Variants in OR3A1 observed in about 807,000 individuals in gnomAD.
OR3A1 encodes olfactory receptor family 3 subfamily A member 1, also known as olfactory receptor 3A1.
For synonymous variants in OR3A1, 145 were observed against 160.0 expected, an observed-to-expected ratio of 0.91 and a Z score of 0.71; for missense variants, 402 against 393.8, an observed-to-expected ratio of 1.02 and a Z score of -0.18.
chr17:3,292,672 C>A (rs1322789372), intron 1 of OR3A1, 84 bp from the exon 2 acceptor site: 1 of 1,172,406 alleles, frequency 8.5e-7, no homozygotes, highest in Non-Finnish European at 1.2e-6. Flanking sequence ...CCCCCTTCTA[C>A]TTGCCCGGCC....
At chr17:3,295,135 C>T (rs1255087972) in intron 1 of OR3A1, among the ~76,000 whole-genome samples, 3 of 151,884 alleles carry the variant, frequency 2.0e-5, no homozygotes, top group Non-Finnish European at 4.4e-5. Context: ...TTTAAAATCT[C>T]AAAAGGTAAA....
At chr17:3,295,340 G>A (rs2048910929) in intron 1 of OR3A1, among the ~76,000 whole-genome samples, 2 of 151,972 alleles carry the variant, frequency 1.3e-5, no homozygotes, top group Admixed American at 6.6e-5. Context: ...AGAGAGAAAA[G>A]GGAAAAGAAA....
chr17:3,293,357 A>G (rs2048892998), intron 1 of OR3A1, among the ~76,000 whole-genome samples: 1 of 152,210 alleles, frequency 6.6e-6, no homozygotes, highest in East Asian at 1.9e-4. Flanking sequence ...GGCAAAAGGT[A>G]GAAAAAAATA....
chr17:3,294,668 G>A (rs373329559), intron 1 of OR3A1, among the ~76,000 whole-genome samples: 2 of 152,004 alleles, frequency 1.3e-5, no homozygotes. Flanking sequence ...TAAAAAAATG[G>A]ATAGCCTAGT....
At position 3,292,105 on chromosome 17, in the gene OR3A1, G is replaced by A; in HGVS notation, c.478C>T (p.Leu160=). The A allele has an allele frequency of 6.2e-6, 10 of 1,614,230 alleles. No homozygotes were observed. The highest frequency in any genetic ancestry group is 8.5e-6 in the Non-Finnish European group (10 of 1,180,046). The part of the protein sequence containing the change: ...ASWACAFTNA[L]THTVAMSTLN... Reference sequence around the variant, plus strand: ...GTGGACATGGCCACAGTGTGGGTCAGTGCGTTGGTGAAAGCACAAGCCCAG... The same window carrying A: ...GTGGACATGGCCACAGTGTGGGTCAATGCGTTGGTGAAAGCACAAGCCCAG... The change falls in exon 2 of 2, where the codon CTG becomes TTG. Residue 160 remains leucine (L), a synonymous_variant. Coordinates refer to ENST00000323404, the MANE Select transcript of OR3A1 (RefSeq NM_002550.3).
At chr17:3,294,561 C>A (rs575377313) in intron 1 of OR3A1, among the ~76,000 whole-genome samples, 2 of 152,236 alleles carry the variant, frequency 1.3e-5, no homozygotes, top group East Asian at 3.9e-4. Context: ...AAACACTTGA[C>A]TTTACAATTC....
At chr17:3,297,172 G>C (rs907885336) in intron 1 of OR3A1, among the ~76,000 whole-genome samples, 1 of 152,186 alleles carries the variant, frequency 6.6e-6, no homozygotes, top group African/African-American at 2.4e-5. Context: ...TTTGGGAGAT[G>C]TTGCATAGGG....
intron 1 of OR3A1, among the ~76,000 whole-genome samples, chr17:3,294,444 A>G (rs2048904051): frequency 6.6e-6 from 1 of 152,138 alleles, no homozygotes; most frequent in Admixed American, 6.6e-5. Flanking sequence ...GATATGAGAA[A>G]AGACAAAGGA....
intron 1 of OR3A1, among the ~76,000 whole-genome samples, chr17:3,293,177 G>A (rs2048891287): frequency 1.3e-5 from 2 of 150,882 alleles, no homozygotes; most frequent in South Asian, 4.2e-4. Flanking sequence ...GGGTGGGTAG[G>A]GGGAGGCAAT....
chr17:3,296,767 GA>G (rs2048921541), intron 1 of OR3A1, among the ~76,000 whole-genome samples: 2 of 152,020 alleles, frequency 1.3e-5, no homozygotes, highest in South Asian at 4.1e-4. Flanking sequence ...ATTACTATGG[GA>G]AAAAGATACA....
chr17:3,297,250 A>G (rs73977631), intron 1 of OR3A1, among the ~76,000 whole-genome samples: 2,140 of 152,326 alleles, frequency 0.014, 35 homozygotes, highest in African/African-American at 0.048. Flanking sequence ...CATCGACTTA[A>G]AAATCATTCA....
At position 3,291,738 on chromosome 17, in the gene OR3A1, G is replaced by A. The variant is rs755806624; in HGVS notation, c.845C>T (p.Thr282Ile). The change falls in exon 2 of 2, where the codon ACT becomes ATT. Residue 282 changes from threonine to isoleucine, a missense_variant. Transcript: ENST00000323404. Reference protein sequence around the residue: ...DKDKAVGIFNTVINPMLNPII... With the variant: ...DKDKAVGIFNIVINPMLNPII... The stretch of plus-strand genomic sequence containing the variant: ...TGGGTTCAGCATGGGATTGATGACA[G>A]TGTTGAAAATTCCAACAGCTTTATC... 2 of 1,613,674 alleles carry A rather than the reference G, an allele frequency of 1.2e-6. No homozygotes were observed. Among genetic ancestry groups the A allele is most frequent in the African/African-American group, 1.3e-5 (1 of 74,914 alleles).
chr17:3,295,632 T>G (rs558977303), intron 1 of OR3A1, among the ~76,000 whole-genome samples: 26 of 151,922 alleles, frequency 1.7e-4, no homozygotes, highest in Admixed American at 5.9e-4. Flanking sequence ...GCTCATCTAG[T>G]AAAAGAAAAG....
In OR3A1 at chr17:3,291,311, G is replaced by A. The variant is rs549522892; in HGVS notation, c.*324C>T. On this transcript the variant is annotated 3_prime_UTR_variant, in exon 2 of 2. Transcript: ENST00000323404. ...TGGGGTACTTCTGGCAACTAAGGCTGTAACCAACCAAAGAGTCATTCCTTC... is the reference window on the plus strand; with the variant it reads ...TGGGGTACTTCTGGCAACTAAGGCTATAACCAACCAAAGAGTCATTCCTTC... 1.2e-5 allele frequency: 3 copies of A among 241,772 alleles called. No homozygotes were observed. The highest frequency in any genetic ancestry group is 1.4e-4 in the South Asian group (1 of 7,400). The allele number at this position is 241,772 out of a possible 1,614,324, so 15.0% of individuals were successfully genotyped here.
chr17:3,292,192 G>A lies in OR3A1; in HGVS notation c.391C>T (p.Arg131Trp), dbSNP rs200309257. The A allele has an allele frequency of 2.0e-4, 328 of 1,614,038 alleles. 3 individuals carry two copies. The highest frequency in any genetic ancestry group is 2.9e-4 in the African/African-American group (22 of 74,914). The change falls in exon 2 of 2, where the codon CGG (arginine) becomes TGG (tryptophan). Residue 131 changes from arginine to tryptophan, a missense_variant. Coordinates refer to ENST00000323404, the MANE Select transcript of OR3A1 (RefSeq NM_002550.3). ...ATGCGGGTGCTGTAGGTGAGGGGCCGGCAGATGGCCAGGAATCGGTCATAG... is the reference window on the plus strand; with the variant it reads ...ATGCGGGTGCTGTAGGTGAGGGGCCAGCAGATGGCCAGGAATCGGTCATAG... ...MAYDRFLAIC[R>W]PLTYSTRMSQ...
Position 3,292,577 on chromosome 17 carries a change from C to G in OR3A1, c.6G>C (p.Gln2His). ...CTGTTCCATTGGCCCCAGATTCTGG[C>G]TGCATGAGTTCCTGCAAAGAAACAT... Reference protein sequence around the residue: MQPESGANGTVI... With the variant: MHPESGANGTVI... The change falls in exon 2 of 2, where the codon CAG (glutamine) becomes CAC (histidine). Residue 2 changes from glutamine to histidine, a missense_variant. By Grantham distance (24) the Gln-to-His change is conservative. Transcript: ENST00000323404. 5 of 1,600,900 alleles carry G rather than the reference C, an allele frequency of 3.1e-6. No individual in the cohort carries two copies. Among genetic ancestry groups the G allele is most frequent in the Non-Finnish European group, 4.3e-6 (5 of 1,172,286 alleles).
rs762550696 is a variant in OR3A1, at chr17:3,291,725, G to C, written c.858C>G (p.Pro286=). Residue 286 remains proline (P), a synonymous_variant, in exon 2 of 2, where the codon CCC becomes CCG. Coordinates refer to ENST00000323404, the MANE Select transcript of OR3A1 (RefSeq NM_002550.3). The part of the protein sequence containing the change: ...AVGIFNTVIN[P]MLNPIIYSFR... ...AGCTGTAGATGATTGGGTTCAGCAT[G>C]GGATTGATGACAGTGTTGAAAATTC... 1 of 1,613,642 alleles carries C rather than the reference G, an allele frequency of 6.2e-7. No individual in the cohort carries two copies. Among genetic ancestry groups the C allele is most frequent in the African/African-American group, 1.3e-5 (1 of 75,028 alleles).
Position 3,291,880 on chromosome 17 carries a change from C to G in OR3A1, c.703G>C (p.Glu235Gln). ...AAAVLRIRSVEGRKKAFSTCG... is the reference protein window; with the variant it reads ...AAAVLRIRSVQGRKKAFSTCG... ...GTGGAGAAGGCTTTCTTCCTGCCCT[C>G]TACAGAGCGAATTCGCAGGACTGCA... Residue 235 changes from glutamate (E) to glutamine (Q), a missense_variant, in exon 2 of 2, where the codon GAG becomes CAG. Coordinates refer to ENST00000323404, the MANE Select transcript of OR3A1 (RefSeq NM_002550.3). 2.5e-6 allele frequency: 4 copies of G among 1,614,244 alleles called. No homozygotes were observed. The highest frequency in any genetic ancestry group is 3.4e-6 in the Non-Finnish European group (4 of 1,180,044).
At chr17:3,293,184 C>T (rs1248098028) in intron 1 of OR3A1, among the ~76,000 whole-genome samples, 1 of 148,768 alleles carries the variant, frequency 6.7e-6, no homozygotes, top group Admixed American at 6.7e-5. Context: ...TAGGGGGAGG[C>T]AATCAACAAA....
Sources: gnomAD v4.1 joint callset for allele counts (sites outside exome capture counted in the v4.1 genomes callset) on GRCh38, gnomAD v4.1.1 for gene constraint, MANE v1.5 for transcripts, NCBI Gene and HGNC (gene_info 2026-07-23, HGNC 2026-07-21) for gene names.